Variants in ACACA observed in about 807,000 individuals in gnomAD.
ACACA encodes the protein acetyl-CoA carboxylase alpha.
In ACACA, 103 loss-of-function variants were observed where a neutral mutation model predicts 296.1. The observed-to-expected ratio is 0.35, with a 90% CI of 0.30 to 0.41. The LOEUF (loss-of-function observed/expected upper bound fraction) is 0.41, where lower values mean the gene tolerates loss of function less well. Among genes scored for constraint, ACACA ranks in the 10% least tolerant of loss-of-function variants. The probability of loss-of-function intolerance (pLI) is 1.00; values close to 1 mark genes in which losing one functional copy is unlikely to be tolerated. For missense variants in ACACA, 1,554 were observed against 2,989.7 expected (o/e 0.52, Z 11.20); for synonymous variants, 953 against 1,038.6 (o/e 0.92, Z 1.58).
intron 45 of ACACA, among the ~76,000 whole-genome samples, chr17:37,134,728 G>A (rs1465249026): frequency 6.6e-6 from 1 of 152,182 alleles, no homozygotes; most frequent in Non-Finnish European, 1.5e-5. Flanking sequence ...CTGCATCTAA[G>A]AATTAGGCTA....
chr17:37,379,140 C>T (rs371653918), intron 1 of ACACA: 14 of 1,612,074 alleles, frequency 8.7e-6, no homozygotes, highest in Admixed American at 1.7e-5. Flanking sequence ...CTTCCAGAAA[C>T]TCACACAGAA....
chr17:37,339,860 A>AAAAG lies in ACACA; in HGVS notation c.39-11_39-10insCTTT, dbSNP rs58285057. On this transcript the variant is annotated splice_polypyrimidine_tract_variant and intron_variant, in intron 1 of 55. Transcript: ENST00000616317. ...CCACTTCCAAAAAGACCTAGAGAGA[A>AAAAG]AGAGAAAGATTTTAAGGTTTTTTTT... is the stretch of plus-strand genomic sequence containing the variant. The AAAAG allele has an allele frequency of 0.29, 368,672 of 1,273,246 alleles. 65,990 individuals are homozygous for AAAAG. The highest frequency in any genetic ancestry group is 0.69 in the African/African-American group (49,112 of 71,242). The allele number at this position is 1,273,246 out of a possible 1,614,324, so 78.9% of individuals were successfully genotyped here.
intron 41 of ACACA, among the ~76,000 whole-genome samples, chr17:37,172,158 T>C (rs1448681474): frequency 6.6e-6 from 1 of 152,226 alleles, no homozygotes; most frequent in African/African-American, 2.4e-5. Context: ...GGTATAAATA[T>C]GCTGGCAAGT....
rs186510660 is a variant in ACACA, at chr17:37,127,838, G to A, written c.5944+1527C>T. Reference sequence around the variant, plus strand: ...CAGCCTGGCGACAGAGTGAGACTCCGCCTCAAAAAAAAAAAAAAGAAAAAG... The same window carrying A: ...CAGCCTGGCGACAGAGTGAGACTCCACCTCAAAAAAAAAAAAAAGAAAAAG... On this transcript the variant is annotated intron_variant, in intron 47 of 55. Transcript: ENST00000616317. Among the ~76,000 whole-genome samples the A allele has an allele frequency of 7.2e-3, 837 of 116,102 alleles. 29 individuals are homozygous for A. The highest frequency in any genetic ancestry group is 0.071 in the Admixed American group (718 of 10,154). 76.2% of individuals were successfully genotyped at this position (116,102 alleles called of 152,430 possible).
At position 37,174,007 on chromosome 17, in the gene ACACA, TATATA is replaced by T. The variant is rs1567762041; in HGVS notation, c.5079+5248_5079+5252del. On this transcript the variant is annotated intron_variant, in intron 41 of 55. Transcript: ENST00000616317. The stretch of plus-strand genomic sequence containing the variant: ...TTATATATATATATATATATATATA[TATATA>T]TATATATATTTTTTTTTTTTTTTTT... 3.1e-3 allele frequency among the ~76,000 whole-genome samples: 48 copies of T among 15,646 alleles called. 2 individuals are homozygous for T. Among genetic ancestry groups the T allele is most frequent in the African/African-American group, 0.011 (24 of 2,200 alleles). 10.3% of individuals were successfully genotyped at this position (15,646 alleles called of 152,430 possible). A position where few individuals can be genotyped will look rare whatever the true frequency, so the allele number is the denominator to read the frequency against.
intron 9 of ACACA, 93 bp from the exon 10 acceptor site, chr17:37,270,954 T>C: frequency 1.2e-6 from 1 of 855,604 alleles, no homozygotes; most frequent in Non-Finnish European, 2.0e-6. Flanking sequence ...AATGCAGTCA[T>C]TTAGTAATTC....
At chr17:37,204,414 G>C (rs2078406619) in intron 33 of ACACA, among the ~76,000 whole-genome samples, 1 of 152,098 alleles carries the variant, frequency 6.6e-6, no homozygotes, top group Non-Finnish European at 1.5e-5. Flanking sequence ...TGGTGACCTA[G>C]GGGTCTTAAT....
At chr17:37,121,524 A>G in intron 49 of ACACA, 34 bp from the exon 50 acceptor site, 3 of 1,613,638 alleles carry the variant, frequency 1.9e-6, no homozygotes, top group Non-Finnish European at 2.5e-6. Context: ...CACAATTAAC[A>G]ACACAGCTCC....
At chr17:37,400,425 T>G (rs1405997963) in intron 1 of ACACA, among the ~76,000 whole-genome samples, 1 of 152,072 alleles carries the variant, frequency 6.6e-6, no homozygotes, top group East Asian at 1.9e-4. Context: ...TGGCCTCAAG[T>G]ATATATTTTT....
intron 2 of ACACA, among the ~76,000 whole-genome samples, chr17:37,339,016 G>GT (rs2048268465): frequency 2.0e-5 from 3 of 151,946 alleles, no homozygotes; most frequent in Non-Finnish European, 4.4e-5. Flanking sequence ...AGAAAGAAAG[G>GT]GGGAGGGAAG....
intron 3 of ACACA, among the ~76,000 whole-genome samples, chr17:37,325,032 C>A (rs1027104467): frequency 4.7e-5 from 7 of 150,516 alleles, no homozygotes; most frequent in Non-Finnish European, 8.9e-5. Context: ...GAAACCCTGT[C>A]TCTGCTAAAA....
At chr17:37,183,183 G>A (rs773447466) in intron 39 of ACACA, among the ~76,000 whole-genome samples, 2 of 152,190 alleles carry the variant, frequency 1.3e-5, no homozygotes, top group Non-Finnish European at 2.9e-5. Flanking sequence ...AAGACCTTGA[G>A]ACTCGGTTTG....
At chr17:37,127,584 G>A (rs1207441089) in intron 47 of ACACA, among the ~76,000 whole-genome samples, 2 of 152,092 alleles carry the variant, frequency 1.3e-5, no homozygotes, top group Admixed American at 6.6e-5. Flanking sequence ...ACAGGTGGCC[G>A]GGCGCGGTGG....
intron 52 of ACACA, among the ~76,000 whole-genome samples, chr17:37,108,363 AT>A (rs962760034): frequency 3.3e-5 from 5 of 152,076 alleles, no homozygotes; most frequent in Non-Finnish European, 5.9e-5. Flanking sequence ...AATATTACTC[AT>A]TCTTATAAAA....
chr17:37,112,883 G>GT (rs955589686), intron 51 of ACACA, among the ~76,000 whole-genome samples: 129 of 152,294 alleles, frequency 8.5e-4, no homozygotes, highest in African/African-American at 3.0e-3. Flanking sequence ...CTCCCTTACA[G>GT]TTTTTTTGGG....
At chr17:37,173,998 A>AT (rs2076991578) in intron 41 of ACACA, among the ~76,000 whole-genome samples, 1 of 8,326 alleles carries the variant, frequency 1.2e-4, no homozygotes, top group African/African-American at 9.2e-4. Flanking sequence ...ATATATATAT[A>AT]TATATATATA....
chr17:37,179,390 C>T lies in ACACA; in HGVS notation c.4949G>A (p.Trp1650Ter). ...AAATGCTTGAGTGGACATAGACTCCCAGAGTTTGATCAGGGACTAGTGGAG... is the reference window on the plus strand; with the variant it reads ...AAATGCTTGAGTGGACATAGACTCCTAGAGTTTGATCAGGGACTAGTGGAG... The part of the protein sequence containing the change: ...EMFRQSLIKL[W>*]ESMSTQAFLP... The change falls in exon 41 of 56, where the codon TGG (tryptophan) becomes TAG (stop). Residue 1650 changes from tryptophan (W) to a stop codon, truncating the protein, a stop_gained. Transcript: ENST00000616317. LOFTEE classifies it high-confidence loss of function. 2 of 1,614,110 alleles carry T rather than the reference C, an allele frequency of 1.2e-6. No homozygotes were observed. Among genetic ancestry groups the T allele is most frequent in the Non-Finnish European group, 1.7e-6 (2 of 1,180,006 alleles).
chr17:37,394,709 T>C (rs1398136419), intron 1 of ACACA, among the ~76,000 whole-genome samples: 1 of 134,764 alleles, frequency 7.4e-6, no homozygotes, highest in African/African-American at 2.7e-5. Flanking sequence ...ACCCTATCTC[T>C]ACTAAAAAAA....
intron 3 of ACACA, among the ~76,000 whole-genome samples, chr17:37,307,302 T>C (rs958481765): frequency 1.3e-5 from 2 of 152,254 alleles, no homozygotes; most frequent in East Asian, 1.9e-4. Context: ...TACTGCTAAA[T>C]AGTTTTCTAA....
Sources: gnomAD v4.1 joint callset for allele counts (sites outside exome capture counted in the v4.1 genomes callset) on GRCh38, gnomAD v4.1.1 for gene constraint, MANE v1.5 for transcripts, NCBI Gene and HGNC (gene_info 2026-07-23, HGNC 2026-07-21) for gene names.